Variants in TNFAIP2 observed in about 807,000 individuals in gnomAD.
TNFAIP2 encodes the protein TNF alpha induced protein 2.
Under a neutral mutation model 63.5 loss-of-function variants are expected in TNFAIP2, and 47 were observed. The ratio of observed to expected loss-of-function variants is 0.74; its 90% CI spans 0.59 to 0.94. The LOEUF is 0.94. Among genes scored for constraint, TNFAIP2 ranks in the 40% least tolerant of loss-of-function variants. The pLI, the probability that TNFAIP2 is intolerant of heterozygous loss-of-function variation, is 0.00. For missense variants in TNFAIP2, 787 were observed against 850.2 expected (o/e 0.93, Z 0.92); for synonymous variants, 405 against 390.2 (o/e 1.04, Z -0.45).
Position 103,130,138 on chromosome 14 carries a change from C to A in TNFAIP2, c.1098+14C>A. 6.2e-7 allele frequency: 1 copy of A among 1,610,632 alleles called. No individual in the cohort carries two copies. The highest frequency in any genetic ancestry group is 8.5e-7 in the Non-Finnish European group (1 of 1,178,174). On this transcript the variant is annotated intron_variant, in intron 5 of 11. Coordinates refer to ENST00000560869, the MANE Select transcript of TNFAIP2 (RefSeq NM_006291.4). ...GACATCATCCAGGTACTGCAATCTGCCCCAGGGCACACGTACCGCCCGTGC... is the reference window on the plus strand; with the variant it reads ...GACATCATCCAGGTACTGCAATCTGACCCAGGGCACACGTACCGCCCGTGC...
Position 103,131,779 on chromosome 14 carries a change from G to A in TNFAIP2, c.1422+17G>A, listed in dbSNP as rs777608774. ...GACCTGAAGGTAGCGGGAGCCTCTT[G>A]CCCTCAGGAGCCCAGTGTTGGGGGG... is the stretch of plus-strand genomic sequence containing the variant. On this transcript the variant is annotated intron_variant, in intron 8 of 11. Transcript: ENST00000560869. This position sits in a 1 kb window ranked among gnomAD's most constrained non-coding sequence, Gnocchi z 4.0. 1 of 1,605,564 alleles carries A rather than the reference G, an allele frequency of 6.2e-7. No individual in the cohort carries two copies. Among genetic ancestry groups the A allele is most frequent in the Non-Finnish European group, 8.5e-7 (1 of 1,175,932 alleles).
chr14:103,127,416 T>C lies in TNFAIP2; in HGVS notation c.647T>C (p.Val216Ala), dbSNP rs2087882084. 6.4e-7 allele frequency: 1 copy of C among 1,573,974 alleles called. No individual in the cohort carries two copies. The highest frequency in any genetic ancestry group is 1.3e-5 in the African/African-American group (1 of 74,416). ...PAAGAEVPES[V>A]FLHLGRTMKE... ...GCGGGCGCCGAGGTCCCCGAGAGCG[T>C]CTTTCTGCACTTGGGCCGCACCATG... The change falls in exon 3 of 12, where the codon GTC (valine) becomes GCC (alanine). Residue 216 changes from valine (V) to alanine (A), a missense_variant. By Grantham distance (64) the Val-to-Ala change is moderately conservative (BLOSUM62 0). Transcript: ENST00000560869. This position sits in a 1 kb window ranked among gnomAD's most constrained non-coding sequence, Gnocchi z 5.1.
At chr14:103,133,318 C>T (rs2088025213) in intron 9 of TNFAIP2, 44 bp from the exon 10 acceptor site, 1 of 1,597,492 alleles carries the variant, frequency 6.3e-7, no homozygotes. Context: ...GCGAGCTCCC[C>T]ATCAGCAGAC....
chr14:103,131,817 G>T lies in TNFAIP2; in HGVS notation c.1422+55G>T. 1 of 1,578,612 alleles carries T rather than the reference G, an allele frequency of 6.3e-7. No homozygotes were observed. The highest frequency in any genetic ancestry group is 1.1e-5 in the South Asian group (1 of 88,986). On this transcript the variant is annotated intron_variant, in intron 8 of 11. Transcript: ENST00000560869. The surrounding 1 kb of genome is among the most constrained non-coding windows in gnomAD (Gnocchi z 4.0). ...CAGTGTTGGGGGGTTCCCAGGGAGG[G>T]ACTGGGAGGTGCCCCCAGGGAGGAG...
In TNFAIP2 at chr14:103,126,538, G is replaced by C; in HGVS notation, c.81G>C (p.Ala27=). The C allele has an allele frequency of 6.4e-7, 1 of 1,569,838 alleles. No homozygotes were observed. Among genetic ancestry groups the C allele is most frequent in the Admixed American group, 1.9e-5 (1 of 53,262 alleles). The change falls in exon 2 of 12, where the codon GCG becomes GCC. Residue 27 remains alanine, a synonymous_variant. Coordinates refer to ENST00000560869, the MANE Select transcript of TNFAIP2 (RefSeq NM_006291.4). ...AAPYREEEEA[A]KKKKEKKKKS... ...CATATAGGGAGGAGGAAGAGGCGGC[G>C]AAGAAGAAGAAGGAGAAGAAGAAGA... is the stretch of plus-strand genomic sequence containing the variant.
At chr14:103,126,256 G>A in intron 1 of TNFAIP2, 54 bp from the exon 2 acceptor site, 1 of 534,324 alleles carries the variant, frequency 1.9e-6, no homozygotes. Flanking sequence ...TGTCCAGCCT[G>A]GGAGCCAGGG....
rs2088082180 is a variant in TNFAIP2, at chr14:103,135,756, C to G, written c.*396C>G. The G allele has an allele frequency of 1.6e-6, 2 of 1,276,086 alleles. No homozygotes were observed. Among genetic ancestry groups the G allele is most frequent in the South Asian group, 2.6e-5 (2 of 76,432 alleles). The allele number at this position is 1,276,086 out of a possible 1,614,324, so 79.0% of individuals were successfully genotyped here. A position where few individuals can be genotyped will look rare whatever the true frequency, so the allele number is the denominator to read the frequency against. Reference sequence around the variant, plus strand: ...CTCCTCGTGGGTGGGGCCGAGGGCCCTCTTCAGCTCTCTGGAGACAGGGGC... The same window carrying G: ...CTCCTCGTGGGTGGGGCCGAGGGCCGTCTTCAGCTCTCTGGAGACAGGGGC... On this transcript the variant is annotated 3_prime_UTR_variant, in exon 12 of 12. Coordinates refer to ENST00000560869, the MANE Select transcript of TNFAIP2 (RefSeq NM_006291.4). This position sits in a 1 kb window ranked among gnomAD's most constrained non-coding sequence, Gnocchi z 7.6.
At chr14:103,125,450 G>A (rs2087833486) in intron 1 of TNFAIP2, among the ~76,000 whole-genome samples, 1 of 152,192 alleles carries the variant, frequency 6.6e-6, no homozygotes, top group Admixed American at 6.5e-5. Flanking sequence ...ATTGACTATA[G>A]GGACAGTTTA....
At chr14:103,132,574 T>C in intron 8 of TNFAIP2, 176 bp from the exon 9 acceptor site, 1 of 904,036 alleles carries the variant, frequency 1.1e-6, no homozygotes, top group Non-Finnish European at 1.7e-6. Context: ...TCCCACTTCC[T>C]GTCTGTGAGC....
rs2088090286 is a variant in TNFAIP2 at position 103,136,100 on chromosome 14, C to T, written c.*740C>T. The stretch of plus-strand genomic sequence containing the variant: ...GGGCCCAAGACCTCCTGGGTCCTCT[C>T]AGGCTCCCCCTTCCCCAAGGCAGGG... On this transcript the variant is annotated 3_prime_UTR_variant, in exon 12 of 12. Transcript: ENST00000560869. The T allele has an allele frequency of 1.9e-6, 2 of 1,081,002 alleles. No individual in the cohort carries two copies. Among genetic ancestry groups the T allele is most frequent in the Non-Finnish European group, 2.4e-6 (2 of 841,226 alleles). The allele number at this position is 1,081,002 out of a possible 1,614,324, so 67.0% of individuals were successfully genotyped here.
chr14:103,130,267 C>A, intron 5 of TNFAIP2, 48 bp from the exon 6 acceptor site: 2 of 1,536,568 alleles, frequency 1.3e-6, no homozygotes, highest in Non-Finnish European at 1.8e-6. Flanking sequence ...TCCCCTGCCC[C>A]CTTGTCCAGG....
upstream of TNFAIP2, chr14:103,122,864 C>T (rs1483954050): frequency 2.2e-6 from 1 of 455,176 alleles, no homozygotes; most frequent in Admixed American, 2.4e-5. Context: ...CTTCACCTTT[C>T]CGCATTTACG....
At chr14:103,129,508 G>T (rs1255563127) in intron 3 of TNFAIP2, among the ~76,000 whole-genome samples, 5 of 149,002 alleles carry the variant, frequency 3.4e-5, no homozygotes, top group African/African-American at 5.2e-5. Context: ...ACCTAATGGG[G>T]GGGGGGTGGT....
chr14:103,126,669 G>T lies in TNFAIP2; in HGVS notation c.212G>T (p.Gly71Val). The T allele has an allele frequency of 6.4e-7, 1 of 1,557,226 alleles. No individual in the cohort carries two copies. The highest frequency in any genetic ancestry group is 8.7e-7 in the Non-Finnish European group (1 of 1,150,198). The change falls in exon 2 of 12, where the codon GGG becomes GTG. Residue 71 changes from glycine (G) to valine (V), a missense_variant. Physicochemically the swap from Gly to Val is moderately radical, Grantham distance 109. Transcript: ENST00000560869. ...GAGGACGCAGCCGGGTCCAGGCAGG[G>T]GCTGGATGGCCCGCCCCCCACAGGT... is the stretch of plus-strand genomic sequence containing the variant. Reference protein sequence around the residue: ...EPEDAAGSRQGLDGPPPTVEE... With the variant: ...EPEDAAGSRQVLDGPPPTVEE...
intron 2 of TNFAIP2, 81 bp downstream of exon 2, chr14:103,126,773 A>T: frequency 7.1e-7 from 1 of 1,415,794 alleles, no homozygotes; most frequent in South Asian, 1.4e-5. Flanking sequence ...CCACTTGCAC[A>T]GTGGGCCGGC....
upstream of TNFAIP2, chr14:103,122,489 G>A (rs903176734): frequency 5.6e-6 from 2 of 357,520 alleles, no homozygotes; most frequent in African/African-American, 2.1e-5. Flanking sequence ...CCTTTCCAGA[G>A]GGCAGGAATT....
In TNFAIP2 at chr14:103,133,902, G is replaced by T. The variant is rs1309444216; in HGVS notation, c.1823+99G>T. 2.8e-6 allele frequency: 4 copies of T among 1,438,202 alleles called. No individual in the cohort carries two copies. In the African/African-American group the frequency reaches 5.7e-5, roughly 21 times the overall value. 89.1% of individuals were successfully genotyped at this position (1,438,202 alleles called of 1,614,324 possible). A position where few individuals can be genotyped will look rare whatever the true frequency, so the allele number is the denominator to read the frequency against. On this transcript the variant is annotated intron_variant, in intron 11 of 11. Coordinates refer to ENST00000560869, the MANE Select transcript of TNFAIP2 (RefSeq NM_006291.4). ...CCCAGATCCTGGCAGCTGCCCACGT[G>T]CCAGTCACTGTGTGAACCTCACCAG... is the stretch of plus-strand genomic sequence containing the variant.
intron 8 of TNFAIP2, among the ~76,000 whole-genome samples, chr14:103,132,123 T>C (rs2087989824): frequency 6.6e-6 from 1 of 152,072 alleles, no homozygotes; most frequent in Admixed American, 6.5e-5. Context: ...GTCCCAAGCC[T>C]GCAGACACCT....
In TNFAIP2 at chr14:103,135,829, G is replaced by A; in HGVS notation, c.*469G>A. The A allele has an allele frequency of 6.2e-6, 8 of 1,292,600 alleles. No homozygotes were observed. Among genetic ancestry groups the A allele is most frequent in the Non-Finnish European group, 8.1e-6 (8 of 991,058 alleles). The allele number at this position is 1,292,600 out of a possible 1,614,324, so 80.1% of individuals were successfully genotyped here. On this transcript the variant is annotated 3_prime_UTR_variant, in exon 12 of 12. Coordinates refer to ENST00000560869, the MANE Select transcript of TNFAIP2 (RefSeq NM_006291.4). This position sits in a 1 kb window ranked among gnomAD's most constrained non-coding sequence, Gnocchi z 7.6. The stretch of plus-strand genomic sequence containing the variant: ...TGCAGCCCAGGGCCGCCGTGAGCGG[G>A]ATTCAGCAATGGTGGAATGGAAGAC...
Sources: allele counts gnomAD v4.1 joint callset (sites outside exome capture counted in the v4.1 genomes callset), GRCh38; gene constraint gnomAD v4.1.1; non-coding constraint Gnocchi (gnomAD v3.1); transcripts MANE v1.5; gene names NCBI Gene and HGNC (gene_info 2026-07-23, HGNC 2026-07-21).